The following COL21A1 variants were observed in gnomAD, a reference collection of about 807,000 sequenced individuals.
COL21A1 encodes collagen type XXI alpha 1 chain, also known as collagen alpha-1(XXI) chain.
In COL21A1, 149 loss-of-function variants were observed where a neutral mutation model predicts 137.9. The ratio of observed to expected loss-of-function variants is 1.08; its 90% CI spans 0.95 to 1.24. The LOEUF (loss-of-function observed/expected upper bound fraction) is 1.24, where lower values mean the gene tolerates loss of function less well. Among genes scored for constraint, COL21A1 ranks in the 50% most tolerant of loss-of-function variants. The pLI, the probability that COL21A1 is intolerant of heterozygous loss-of-function variation, is 0.00. For synonymous variants in COL21A1, 456 were observed against 391.5 expected, an observed-to-expected ratio of 1.16 and a Z score of -1.95; for missense variants, 1,167 against 1,158.4, an observed-to-expected ratio of 1.01 and a Z score of -0.11.
intron 1 of COL21A1, among the ~76,000 whole-genome samples, chr6:56,327,145 C>G (rs2152342950): frequency 2.3e-5 from 1 of 42,776 alleles, no homozygotes; most frequent in Non-Finnish European, 4.7e-5. Context: ...TATATATTGT[C>G]AAATGCTCTA....
intron 12 of COL21A1, chr6:56,126,760 G>A (rs898803021): frequency 6.6e-6 from 1 of 152,098 alleles, no homozygotes; most frequent in Non-Finnish European, 1.5e-5. Flanking sequence ...TACTGCTTTA[G>A]CTTCAAAATC....
At chr6:56,309,216 A>AT (rs1247378242) in intron 1 of COL21A1, among the ~76,000 whole-genome samples, 8 of 151,776 alleles carry the variant, frequency 5.3e-5, no homozygotes, top group East Asian at 1.9e-4. Flanking sequence ...AATTTTTTGT[A>AT]TTTTAGTAGA....
At chr6:56,181,848 G>A (rs116101916) in intron 2 of COL21A1, among the ~76,000 whole-genome samples, 2,523 of 152,136 alleles carry the variant, frequency 0.017, 27 homozygotes, top group Non-Finnish European at 0.024. Context: ...AAAAACAAAG[G>A]AAAGGGCATC....
intron 1 of COL21A1, among the ~76,000 whole-genome samples, chr6:56,237,434 A>C (rs1781977870): frequency 3.3e-5 from 5 of 152,176 alleles, no homozygotes; most frequent in Admixed American, 3.3e-4. Context: ...TAGAAAGCAT[A>C]AACACATTTA....
intron 9 of COL21A1, among the ~76,000 whole-genome samples, chr6:56,162,220 TAA>T (rs1227449007): frequency 1.3e-5 from 2 of 152,126 alleles, no homozygotes; most frequent in East Asian, 1.9e-4. Flanking sequence ...ACTTCCAGGA[TAA>T]AGAGTCCTAA....
At chr6:56,198,873 AGATGGAAAAT>A (rs1196926094) in intron 1 of COL21A1, among the ~76,000 whole-genome samples, 2 of 152,172 alleles carry the variant, frequency 1.3e-5, no homozygotes, top group African/African-American at 4.8e-5. Context: ...GAGTGAACTA[AGATGGAAAAT>A]AATGGTTTCC....
intron 1 of COL21A1, among the ~76,000 whole-genome samples, chr6:56,278,694 A>G (rs923297713): frequency 6.6e-6 from 1 of 152,198 alleles, no homozygotes; most frequent in Non-Finnish European, 1.5e-5. Context: ...TCATGGTCAC[A>G]ATCAGATGAA....
intron 9 of COL21A1, 80 bp downstream of exon 9, chr6:56,164,343 A>T: frequency 1.1e-6 from 1 of 902,408 alleles, no homozygotes; most frequent in Admixed American, 2.1e-5. Context: ...CAACAGGATC[A>T]ATGGTGATTA....
intron 1 of COL21A1, among the ~76,000 whole-genome samples, chr6:56,322,306 A>G (rs10948995): frequency 0.35 from 53,344 of 152,012 alleles, 10,163 homozygotes; most frequent in Non-Finnish European, 0.44. Flanking sequence ...CAGCTCTTCA[A>G]AAGTTGAAGA....
intron 17 of COL21A1, among the ~76,000 whole-genome samples, chr6:56,090,520 C>T (rs1364070378): frequency 6.6e-6 from 1 of 152,108 alleles, no homozygotes; most frequent in East Asian, 1.9e-4. Flanking sequence ...ACATTGCCAA[C>T]TGTCATATTG....
Position 56,096,005 on chromosome 6 carries a change from C to G in COL21A1, c.1812+5467G>C, listed in dbSNP as rs1471571861. ...GGGATTACAGGCGCCCACCACCACG[C>G]CTGGCTGATTTTTTTATTTTTAGTA... On this transcript the variant is annotated intron_variant, in intron 17 of 29. Transcript: ENST00000244728. 2.6e-5 allele frequency among the ~76,000 whole-genome samples: 4 copies of G among 151,980 alleles called. No individual in the cohort carries two copies. The East Asian group carries it at 7.7e-4, about 29-fold the overall frequency.
chr6:56,259,090 G>T (rs1266178468), intron 1 of COL21A1, among the ~76,000 whole-genome samples: 1 of 152,146 alleles, frequency 6.6e-6, no homozygotes, highest in Non-Finnish European at 1.5e-5. Context: ...CAGAAGCAGT[G>T]TTCTCAAGGA....
At chr6:56,189,478 C>G (rs1778518568) in intron 1 of COL21A1, among the ~76,000 whole-genome samples, 1 of 151,602 alleles carries the variant, frequency 6.6e-6, no homozygotes, top group Non-Finnish European at 1.5e-5. Context: ...GTGAAAAGAC[C>G]AAATCTATAT....
intron 3 of COL21A1, among the ~76,000 whole-genome samples, 196 bp downstream of exon 3, chr6:56,179,382 A>G (rs892811623): frequency 2.0e-5 from 3 of 152,176 alleles, no homozygotes; most frequent in African/African-American, 7.2e-5. Flanking sequence ...ACCAAAATTT[A>G]TCCTAAATAC....
chr6:56,152,303 T>C (rs1344453432), intron 10 of COL21A1, among the ~76,000 whole-genome samples: 1 of 152,180 alleles, frequency 6.6e-6, no homozygotes, highest in African/African-American at 2.4e-5. Context: ...AAGACTTTTG[T>C]GTTTATATCT....
chr6:56,313,265 G>A (rs1347766110), intron 1 of COL21A1, among the ~76,000 whole-genome samples: 1 of 152,040 alleles, frequency 6.6e-6, no homozygotes, highest in Non-Finnish European at 1.5e-5. Flanking sequence ...AAAAGATAGG[G>A]ATGGAGCAGT....
intron 16 of COL21A1, among the ~76,000 whole-genome samples, chr6:56,117,809 T>G (rs1269905788): frequency 2.0e-5 from 3 of 151,716 alleles, no homozygotes; most frequent in African/African-American, 4.8e-5. Context: ...CACATGGAAA[T>G]TAAACAATAT....
intron 10 of COL21A1, among the ~76,000 whole-genome samples, chr6:56,143,882 A>G (rs1314064357): frequency 6.6e-6 from 1 of 152,198 alleles, no homozygotes; most frequent in Non-Finnish European, 1.5e-5. Context: ...CATCAACTCT[A>G]TACATGAACG....
intron 1 of COL21A1, among the ~76,000 whole-genome samples, chr6:56,284,983 G>A (rs1162450182): frequency 6.6e-6 from 1 of 152,158 alleles, no homozygotes; most frequent in Non-Finnish European, 1.5e-5. Flanking sequence ...ATTCAAATGT[G>A]CAGCTAAATG....
Sources: gnomAD v4.1 joint callset for allele counts (sites outside exome capture counted in the v4.1 genomes callset) on GRCh38, gnomAD v4.1.1 for gene constraint, MANE v1.5 for transcripts, NCBI Gene and HGNC (gene_info 2026-07-23, HGNC 2026-07-21) for gene names.